The following ANXA2 variants were observed in gnomAD, a reference collection of about 807,000 sequenced individuals.
ANXA2 encodes the protein annexin II.
ANXA2 carries 28 observed loss-of-function variants against 47.3 expected under a neutral mutation model. The observed-to-expected ratio is 0.59, with a 90% CI of 0.44 to 0.81. The LOEUF is 0.81. Among genes scored for constraint, ANXA2 ranks in the 40% least tolerant of loss-of-function variants. The pLI, the probability that ANXA2 is intolerant of heterozygous loss-of-function variation, is 0.00. For synonymous variants in ANXA2, 172 were observed against 155.5 expected (o/e 1.11, Z -0.79); for missense variants, 384 against 414.3 (o/e 0.93, Z 0.64).
At chr15:60,349,053 T>G in intron 12 of ANXA2, 22 bp downstream of exon 12, 2 of 1,613,684 alleles carry the variant, frequency 1.2e-6, no homozygotes, top group Non-Finnish European at 1.7e-6. Flanking sequence ...CAGGGCAGGC[T>G]GACACTGCAC....
intron 7 of ANXA2, among the ~76,000 whole-genome samples, chr15:60,355,246 A>T (rs567121537): frequency 1.3e-5 from 2 of 152,292 alleles, no homozygotes; most frequent in African/African-American, 4.8e-5. Flanking sequence ...AGATCCGTGG[A>T]TGGTGGTACA....
chr15:60,349,087 G>A lies in ANXA2; in HGVS notation c.948C>T (p.Tyr316=), dbSNP rs972579681. 10 of 1,613,950 alleles carry A rather than the reference G, an allele frequency of 6.2e-6. No homozygotes were observed. The highest frequency in any genetic ancestry group is 1.3e-5 in the African/African-American group (1 of 74,924). Residue 316 remains tyrosine (Y), a synonymous_variant, in exon 12 of 13, where the codon TAC becomes TAT. Coordinates refer to ENST00000451270, the MANE Select transcript of ANXA2 (RefSeq NM_004039.3). ...EFKRKYGKSL[Y]YYIQQDTKGD... is the part of the protein sequence containing the mutation. ...ACCTCGGGCTTACCTGGATATAATA[G>A]TACAGGGACTTGCCGTACTTTCTCT...
chr15:60,373,954 CTG>C (rs2062743814), intron 3 of ANXA2, among the ~76,000 whole-genome samples: 1 of 152,196 alleles, frequency 6.6e-6, no homozygotes, highest in Non-Finnish European at 1.5e-5. Context: ...ACTCTGGCAG[CTG>C]CCAAGAGATG....
At chr15:60,355,163 T>G (rs1020674171) in intron 7 of ANXA2, among the ~76,000 whole-genome samples, 2 of 152,114 alleles carry the variant, frequency 1.3e-5, no homozygotes, top group African/African-American at 2.4e-5. Flanking sequence ...TCACAGCAGT[T>G]AGGAGTTTAA....
At chr15:60,375,802 C>G (rs960162830) in intron 3 of ANXA2, among the ~76,000 whole-genome samples, 1 of 152,178 alleles carries the variant, frequency 6.6e-6, no homozygotes, top group Non-Finnish European at 1.5e-5. Context: ...GCTTCTCCCC[C>G]CTTCTCATAA....
intron 6 of ANXA2, among the ~76,000 whole-genome samples, 168 bp from the exon 7 acceptor site, chr15:60,356,166 C>T (rs772795163): frequency 9.9e-5 from 15 of 152,124 alleles, no homozygotes; most frequent in Non-Finnish European, 1.8e-4. Flanking sequence ...GAATGATTTT[C>T]GCCCTCATGA....
At chr15:60,366,414 C>T (rs1364268696) in intron 3 of ANXA2, among the ~76,000 whole-genome samples, 10 of 150,304 alleles carry the variant, frequency 6.7e-5, no homozygotes, top group African/African-American at 1.2e-4. Flanking sequence ...CATCTCTGCG[C>T]GGCCGCCCAT....
chr15:60,380,368 G>A (rs938331454), intron 3 of ANXA2, among the ~76,000 whole-genome samples: 2 of 151,798 alleles, frequency 1.3e-5, no homozygotes, highest in Admixed American at 1.3e-4. Context: ...TTGAACCTGG[G>A]CTCACATACG....
rs192571956 is a variant in ANXA2 at position 60,386,930 on chromosome 15, C to G, written c.-11-844G>C. On this transcript the variant is annotated intron_variant, in intron 1 of 12. Coordinates refer to ENST00000451270, the MANE Select transcript of ANXA2 (RefSeq NM_004039.3). ...TAAAGAAAACAGAGTAGAGCTGCGT[C>G]CTGAAATAGACAGGAACGACATTTA... The G allele has an allele frequency of 5.9e-5, 9 of 152,306 alleles. 1 individual carries two copies. Among genetic ancestry groups the G allele is most frequent in the Admixed American group, 5.9e-4 (9 of 15,298 alleles). The allele number at this position is 152,306 out of a possible 1,614,324, so 9.4% of individuals were successfully genotyped here.
chr15:60,350,208 C>CAAGAA (rs1238218001), intron 11 of ANXA2, among the ~76,000 whole-genome samples: 1 of 151,254 alleles, frequency 6.6e-6, no homozygotes, highest in Admixed American at 6.6e-5. Flanking sequence ...AAAGACAAGA[C>CAAGAA]AAGAAAAGAA....
intron 1 of ANXA2, among the ~76,000 whole-genome samples, chr15:60,397,695 C>T (rs1462821246): frequency 6.6e-6 from 1 of 151,866 alleles, no homozygotes; most frequent in Non-Finnish European, 1.5e-5. Context: ...CCCGACCCCC[C>T]ACCACCTCTG....
chr15:60,371,441 C>T (rs2062708728), intron 3 of ANXA2, among the ~76,000 whole-genome samples: 1 of 152,174 alleles, frequency 6.6e-6, no homozygotes, highest in African/African-American at 2.4e-5. Flanking sequence ...CTGGAGTTTC[C>T]TCCTCCTCTC....
At chr15:60,358,904 T>C (rs1254099196) in intron 5 of ANXA2, among the ~76,000 whole-genome samples, 2 of 152,224 alleles carry the variant, frequency 1.3e-5, no homozygotes, top group African/African-American at 4.8e-5. Context: ...GATATACCAG[T>C]GGTAATATCT....
chr15:60,356,108 C>T, intron 6 of ANXA2, 110 bp from the exon 7 acceptor site: 1 of 764,168 alleles, frequency 1.3e-6, no homozygotes, highest in Non-Finnish European at 2.3e-6. Context: ...GCTACGTCAG[C>T]TGGACATATC....
chr15:60,372,923 G>A (rs545040337), intron 3 of ANXA2, among the ~76,000 whole-genome samples: 8 of 151,960 alleles, frequency 5.3e-5, no homozygotes, highest in African/African-American at 1.9e-4. Flanking sequence ...CCAAAGTGCT[G>A]GGATTACAGA....
At chr15:60,386,368 C>G (rs974326842) in intron 1 of ANXA2, 2 of 339,066 alleles carry the variant, frequency 5.9e-6, no homozygotes, top group African/African-American at 2.1e-5. Context: ...ACAAAATGTT[C>G]CCCATGGCTA....
At chr15:60,366,297 C>T (rs1198660164) in intron 3 of ANXA2, among the ~76,000 whole-genome samples, 16 of 149,562 alleles carry the variant, frequency 1.1e-4, no homozygotes, top group South Asian at 6.6e-4. Flanking sequence ...GCGTCTCTGC[C>T]TGGCCGCCCA....
At chr15:60,372,692 CTTTTTTTTTT>C (rs574095449) in intron 3 of ANXA2, among the ~76,000 whole-genome samples, 2 of 132,738 alleles carry the variant, frequency 1.5e-5, no homozygotes, top group African/African-American at 2.8e-5. Context: ...ACAATCTTTC[CTTTTTTTTTT>C]TTTTTTTTTT....
chr15:60,376,591 G>A (rs1394956230), intron 3 of ANXA2, among the ~76,000 whole-genome samples: 2 of 152,186 alleles, frequency 1.3e-5, no homozygotes, highest in African/African-American at 4.8e-5. Flanking sequence ...AGGGTGCCAG[G>A]AGGCAGACTG....
Sources: allele counts gnomAD v4.1 joint callset (sites outside exome capture counted in the v4.1 genomes callset), GRCh38; gene constraint gnomAD v4.1.1; transcripts MANE v1.5; gene names NCBI Gene and HGNC (gene_info 2026-07-23, HGNC 2026-07-21).